Variants in FDXACB1 observed in about 807,000 individuals in gnomAD.
The protein encoded by FDXACB1 is ferredoxin-fold anticodon binding domain containing 1.
FDXACB1 carries 41 observed loss-of-function variants against 51.7 expected under a neutral mutation model. The ratio of observed to expected loss-of-function variants is 0.79; its 90% CI spans 0.62 to 1.03. The LOEUF (loss-of-function observed/expected upper bound fraction) is 1.03. FDXACB1 is among the 50% of genes least tolerant of loss of function. The probability of loss-of-function intolerance (pLI) is 0.00; values close to 1 mark genes in which losing one functional copy is unlikely to be tolerated. For synonymous variants in FDXACB1, 273 were observed against 278.6 expected, an observed-to-expected ratio of 0.98 and a Z score of 0.20; for missense variants, 697 against 746.4, an observed-to-expected ratio of 0.93 and a Z score of 0.77.
rs1964776085 is a variant in FDXACB1 at position 111,874,936 on chromosome 11, C to T, written c.1861G>A (p.Val621Ile). The T allele has an allele frequency of 2.2e-5, 36 of 1,613,922 alleles. No individual in the cohort carries two copies. Among genetic ancestry groups the T allele is most frequent in the Non-Finnish European group, 3.0e-5 (35 of 1,179,858 alleles). The stretch of plus-strand genomic sequence containing the variant: ...GATTTACCAAACTACCGAGGTATAA[C>T]ATATAGGTGTTGTTGAATCTCCTTC... ...FRKEIQQHLY[V>I]IPR Residue 621 changes from valine (V) to isoleucine (I), a missense_variant, in exon 5 of 5, where the codon GTT (valine) becomes ATT (isoleucine). Around this residue, in one of 3 missense-constraint regions of FDXACB1, gnomAD observed 538 missense variants for 592.2 expected, o/e 0.91. Coordinates refer to ENST00000260257, the MANE Select transcript of FDXACB1 (RefSeq NM_138378.3).
In FDXACB1 at chr11:111,875,780, G is replaced by C. The variant is rs1964800849; in HGVS notation, c.1017C>G (p.Thr339=). The C allele has an allele frequency of 6.2e-7, 1 of 1,613,560 alleles. No homozygotes were observed. Among genetic ancestry groups the C allele is most frequent in the African/African-American group, 1.3e-5 (1 of 74,850 alleles). ...RDGKEEACEG[T]CGQAKICLRP... The stretch of plus-strand genomic sequence containing the variant: ...TAAGGCAGATCTTGGCCTGGCCACA[G>C]GTTCCTTCACAAGCTTCTTCTTTAC... Residue 339 remains threonine, a synonymous_variant, in exon 5 of 5, where the codon ACC becomes ACG. Coordinates refer to ENST00000260257, the MANE Select transcript of FDXACB1 (RefSeq NM_138378.3).
In FDXACB1 at chr11:111,875,316, A is replaced by G. The variant is rs201937600; in HGVS notation, c.1481T>C (p.Leu494Ser). Reference protein sequence around the residue: ...FVFVSMNLDLLAMLVWCISDW... With the variant: ...FVFVSMNLDLSAMLVWCISDW... Reference sequence around the variant, plus strand: ...AGAGATACACCAGACAAGCATGGCTAATAAGTCCAAGTTCATAGACACAAA... The same window carrying G: ...AGAGATACACCAGACAAGCATGGCTGATAAGTCCAAGTTCATAGACACAAA... Residue 494 changes from leucine (L) to serine (S), a missense_variant, in exon 5 of 5, where the codon TTA (leucine) becomes TCA (serine). Physicochemically the swap from Leu to Ser is moderately radical, Grantham distance 145. Transcript: ENST00000260257. 211 of 1,613,966 alleles carry G rather than the reference A, an allele frequency of 1.3e-4. No individual in the cohort carries two copies. The East Asian group carries it at 3.3e-3, about 25-fold the overall frequency.
intron 2 of FDXACB1, among the ~76,000 whole-genome samples, chr11:111,877,744 T>A (rs1436912509): frequency 6.6e-6 from 1 of 151,664 alleles, no homozygotes; most frequent in Non-Finnish European, 1.5e-5. Flanking sequence ...CTCAAACTCC[T>A]GACCTCAGGT....
At chr11:111,878,820 G>T in intron 1 of FDXACB1, 108 bp from the exon 2 acceptor site, 6 of 1,503,898 alleles carry the variant, frequency 4.0e-6, no homozygotes, top group Non-Finnish European at 5.3e-6. Flanking sequence ...CCAAGTCTGG[G>T]CACAAAGCCG....
In FDXACB1 at chr11:111,877,005, T is replaced by C; in HGVS notation, c.336A>G (p.Ala112=). 6.3e-7 allele frequency: 1 copy of C among 1,580,652 alleles called. No homozygotes were observed. Among genetic ancestry groups the C allele is most frequent in the East Asian group, 2.3e-5 (1 of 43,614 alleles). The part of the protein sequence containing the change: ...ELLAKFFQSC[A]DVLAEEGEVH... ...CTTCTCCTTCCTCTGCAAGAACGTCTGCACAGCTAATAGGGAGAAAAGAAA... is the reference window on the plus strand; with the variant it reads ...CTTCTCCTTCCTCTGCAAGAACGTCCGCACAGCTAATAGGGAGAAAAGAAA... The change falls in exon 3 of 5, where the codon GCA becomes GCG. Residue 112 remains alanine, a synonymous_variant. Transcript: ENST00000260257.
chr11:111,875,866 C>A lies in FDXACB1; in HGVS notation c.931G>T (p.Val311Leu). Residue 311 changes from valine (V) to leucine (L), a missense_variant, in exon 5 of 5, where the codon GTG becomes TTG. Physicochemically the swap from Val to Leu is conservative, Grantham distance 32. Around this residue, in one of 3 missense-constraint regions of FDXACB1, gnomAD observed 538 missense variants for 592.2 expected, o/e 0.91. Coordinates refer to ENST00000260257, the MANE Select transcript of FDXACB1 (RefSeq NM_138378.3). The part of the protein sequence containing the change: ...ESLTGGTSQD[V>L]EDFLVSFSEL... Reference sequence around the variant, plus strand: ...GAAAATGACACTAGAAAGTCTTCCACATCTTGTGATGTCCCACCAGTCAGG... The same window carrying A: ...GAAAATGACACTAGAAAGTCTTCCAAATCTTGTGATGTCCCACCAGTCAGG... The A allele has an allele frequency of 6.2e-7, 1 of 1,613,848 alleles. No homozygotes were observed.
intron 2 of FDXACB1, among the ~76,000 whole-genome samples, chr11:111,877,511 ACT>A (rs1964840912): frequency 8.5e-6 from 1 of 117,994 alleles, no homozygotes; most frequent in Admixed American, 9.2e-5. Flanking sequence ...GCTGTTAGTT[ACT>A]TTTTTTTTTT....
intron 3 of FDXACB1, 23 bp from the exon 4 acceptor site, chr11:111,876,662 G>A (rs1325345727): frequency 6.2e-7 from 1 of 1,606,500 alleles, no homozygotes; most frequent in Non-Finnish European, 8.5e-7. Flanking sequence ...ACACCAATAT[G>A]AAGTCTGTCA....
chr11:111,878,930 G>A (rs1555162616), intron 1 of FDXACB1, 31 bp downstream of exon 1: 4 of 1,579,726 alleles, frequency 2.5e-6, no homozygotes, highest in Non-Finnish European at 2.6e-6. Flanking sequence ...CGGCCGCTGG[G>A]CGGGGTTTCG....
Position 111,874,960 on chromosome 11 carries a change from T to G in FDXACB1, c.1837A>C (p.Lys613Gln), listed in dbSNP as rs1555161823. 1.2e-6 allele frequency: 2 copies of G among 1,613,888 alleles called. No individual in the cohort carries two copies. The highest frequency in any genetic ancestry group is 2.7e-5 in the African/African-American group (2 of 74,918). ...ACATATAGGTGTTGTTGAATCTCCT[T>G]CCTAAACTGGGACTGCATTGATGCT... is the stretch of plus-strand genomic sequence containing the variant. ...QVASMQSQFR[K>Q]EIQQHLYVIP... Residue 613 changes from lysine to glutamine, a missense_variant, in exon 5 of 5, where the codon AAG (lysine) becomes CAG (glutamine). Lys to Gln is a moderately conservative substitution (Grantham distance 53). Transcript: ENST00000260257.
In FDXACB1 at chr11:111,876,856, T is replaced by C. The variant is rs782173873; in HGVS notation, c.485A>G (p.Tyr162Cys). The C allele has an allele frequency of 6.2e-7, 1 of 1,613,966 alleles. No homozygotes were observed. The highest frequency in any genetic ancestry group is 1.7e-5 in the Admixed American group (1 of 59,996). ...ALGGLILSDV[Y>C]PFSCKAVAGY... ...TGCCACAGCCTTACAGCTGAATGGA[T>C]ACACGTCGCTTAAAATGAGCCCCCC... The change falls in exon 3 of 5, where the codon TAT becomes TGT. Residue 162 changes from tyrosine (Y) to cysteine (C), a missense_variant. Around this residue, in one of 3 missense-constraint regions of FDXACB1, gnomAD observed 538 missense variants for 592.2 expected, o/e 0.91. Transcript: ENST00000260257.
chr11:111,878,978 T>A lies in FDXACB1; in HGVS notation c.155A>T (p.Gln52Leu), dbSNP rs782425968. Residue 52 changes from glutamine (Q) to leucine (L), a missense_variant, in exon 1 of 5, where the codon CAG (glutamine) becomes CTG (leucine). Gln to Leu is a moderately radical substitution (Grantham distance 113). Around this residue, in one of 3 missense-constraint regions of FDXACB1, gnomAD observed 153 missense variants for 133.5 expected, o/e 1.15. Transcript: ENST00000260257. ...CTCGCTACCTCGCTCGCGCAGGCAC[T>A]GCAGATTCTCCCAGGCCAGTGGATC... ...ARDPLAWENLQCLRERGIDVR... is the reference protein window; with the variant it reads ...ARDPLAWENLLCLRERGIDVR... 6.5e-5 allele frequency: 104 copies of A among 1,605,622 alleles called. No homozygotes were observed. The highest frequency in any genetic ancestry group is 8.2e-5 in the Non-Finnish European group (97 of 1,177,070).
Position 111,876,799 on chromosome 11 carries a change from A to G in FDXACB1, c.533+9T>C. 1.9e-6 allele frequency: 3 copies of G among 1,613,604 alleles called. No homozygotes were observed. The highest frequency in any genetic ancestry group is 1.1e-5 in the South Asian group (1 of 91,008). ...AACGCAGAAGGCTTAAACCTATGCT[A>G]TTACCTACCTATATCCAGTGCACTT... On this transcript the variant is annotated intron_variant, in intron 3 of 4. Coordinates refer to ENST00000260257, the MANE Select transcript of FDXACB1 (RefSeq NM_138378.3).
chr11:111,874,931 T>C lies in FDXACB1; in HGVS notation c.1866A>G (p.Ile622Met), dbSNP rs1555161812. Residue 622 changes from isoleucine (I) to methionine (M), a missense_variant, in exon 5 of 5, where the codon ATA becomes ATG. By Grantham distance (10) the Ile-to-Met change is conservative. This residue lies in a region of FDXACB1 where 538 missense variants were observed against 592.2 expected (regional missense o/e 0.91). Coordinates refer to ENST00000260257, the MANE Select transcript of FDXACB1 (RefSeq NM_138378.3). ...RKEIQQHLYV[I>M]PR ...AAAAGGATTTACCAAACTACCGAGG[T>C]ATAACATATAGGTGTTGTTGAATCT... 6.2e-7 allele frequency: 1 copy of C among 1,613,506 alleles called. No individual in the cohort carries two copies. The highest frequency in any genetic ancestry group is 8.5e-7 in the Non-Finnish European group (1 of 1,179,616).
Position 111,875,195 on chromosome 11 carries a change from T to C in FDXACB1, c.1602A>G (p.Pro534=), listed in dbSNP as rs782416546. 1.2e-5 allele frequency: 20 copies of C among 1,613,816 alleles called. No homozygotes were observed. In the South Asian group the frequency reaches 1.9e-4, roughly 15 times the overall value. The change falls in exon 5 of 5, where the codon CCA becomes CCG. Residue 534 remains proline, a synonymous_variant. Transcript: ENST00000260257. ...AAAAACTAACATCATGCACATAACA[T>C]GGAGGATACAGAGAATGACTTTTAA... ...EPFKSHSLYP[P]CYVHDVSFWI...
intron 2 of FDXACB1, among the ~76,000 whole-genome samples, chr11:111,878,281 C>A (rs1964864114): frequency 6.6e-6 from 1 of 152,160 alleles, no homozygotes; most frequent in African/African-American, 2.4e-5. Flanking sequence ...TCTAAGTGCA[C>A]GTTCTTAGCC....
chr11:111,877,357 T>C (rs1452276702), intron 2 of FDXACB1, among the ~76,000 whole-genome samples: 1 of 152,168 alleles, frequency 6.6e-6, no homozygotes, highest in African/African-American at 2.4e-5. Flanking sequence ...TTCACTGCCC[T>C]CCTGAAATTC....
chr11:111,875,298 C>T lies in FDXACB1; in HGVS notation c.1499G>A (p.Cys500Tyr). The change falls in exon 5 of 5, where the codon TGT (cysteine) becomes TAT (tyrosine). Residue 500 changes from cysteine (C) to tyrosine (Y), a missense_variant. Coordinates refer to ENST00000260257, the MANE Select transcript of FDXACB1 (RefSeq NM_138378.3). Reference sequence around the variant, plus strand: ...CCACAACATTCTCCAGTCAGAGATACACCAGACAAGCATGGCTAATAAGTC... The same window carrying T: ...CCACAACATTCTCCAGTCAGAGATATACCAGACAAGCATGGCTAATAAGTC... The part of the protein sequence containing the change: ...NLDLLAMLVW[C>Y]ISDWRMLWTF... The T allele has an allele frequency of 1.2e-6, 2 of 1,613,882 alleles. No individual in the cohort carries two copies. Among genetic ancestry groups the T allele is most frequent in the Non-Finnish European group, 1.7e-6 (2 of 1,179,872 alleles).
At position 111,874,316 on chromosome 11, in the gene FDXACB1, A is replaced by T. The variant is rs1218480821; in HGVS notation, c.*606T>A. The T allele has an allele frequency of 1.3e-5, 2 of 152,318 alleles. No homozygotes were observed. Among genetic ancestry groups the T allele is most frequent in the East Asian group, 3.8e-4 (2 of 5,204 alleles). The allele number at this position is 152,318 out of a possible 1,614,324, so 9.4% of individuals were successfully genotyped here. A position where few individuals can be genotyped will look rare whatever the true frequency, so the allele number is the denominator to read the frequency against. ...CTTAAGTTCTACTGCCTGTTCAACA[A>T]TAGAGCATCTAAAGTACAAGATGCT... On this transcript the variant is annotated 3_prime_UTR_variant, in exon 5 of 5. Coordinates refer to ENST00000260257, the MANE Select transcript of FDXACB1 (RefSeq NM_138378.3).
Sources: gnomAD v4.1 joint callset for allele counts (sites outside exome capture counted in the v4.1 genomes callset) on GRCh38, gnomAD v4.1.1 for gene constraint, gnomAD v4.1.1 regional missense constraint, MANE v1.5 for transcripts, NCBI Gene and HGNC (gene_info 2026-07-23, HGNC 2026-07-21) for gene names.